The following NTM variants were observed in gnomAD, a reference collection of about 807,000 sequenced individuals.
NTM encodes IgLON family member 2.
A neutral mutation model predicts 42.1 loss-of-function variants in NTM; 13 were observed. That is an observed-to-expected ratio of 0.31 (90% CI 0.20 to 0.49). The LOEUF (loss-of-function observed/expected upper bound fraction) is 0.49, where lower values mean the gene tolerates loss of function less well. Among genes scored for constraint, NTM ranks in the 20% least tolerant of loss-of-function variants. The probability of loss-of-function intolerance (pLI) is 0.99; values close to 1 mark genes in which losing one functional copy is unlikely to be tolerated. For missense variants in NTM, 373 were observed against 452.8 expected, an observed-to-expected ratio of 0.82 and a Z score of 1.60; for synonymous variants, 187 against 179.2, an observed-to-expected ratio of 1.04 and a Z score of -0.35.
chr11:132,189,500 T>G (rs1440156211), intron 3 of NTM, among the ~76,000 whole-genome samples: 1 of 152,222 alleles, frequency 6.6e-6, no homozygotes, highest in Non-Finnish European at 1.5e-5. Flanking sequence ...GGACATTGTT[T>G]TATTTCATGT....
chr11:132,093,922 C>A (rs10750495), intron 2 of NTM, among the ~76,000 whole-genome samples: 1 of 151,972 alleles, frequency 6.6e-6, no homozygotes, highest in Non-Finnish European at 1.5e-5. Context: ...CAATTAAATC[C>A]GGTAGTTTCC....
intron 1 of NTM, among the ~76,000 whole-genome samples, chr11:131,465,299 G>A (rs1352630845): frequency 6.6e-6 from 1 of 152,174 alleles, no homozygotes; most frequent in Non-Finnish European, 1.5e-5. Flanking sequence ...CCTCTAGGAT[G>A]GTTGGCCCCA....
chr11:131,851,445 C>T (rs2136825485), intron 1 of NTM, among the ~76,000 whole-genome samples: 1 of 152,158 alleles, frequency 6.6e-6, no homozygotes, highest in South Asian at 2.1e-4. Flanking sequence ...TTTTCATTCA[C>T]CATGGATTTT....
chr11:131,487,063 A>G (rs1450461443), intron 1 of NTM, among the ~76,000 whole-genome samples: 1 of 152,158 alleles, frequency 6.6e-6, no homozygotes, highest in African/African-American at 2.4e-5. Flanking sequence ...CAGCAAAAAA[A>G]ACAGTGTTCC....
intron 1 of NTM, among the ~76,000 whole-genome samples, chr11:131,571,297 T>C (rs1185564432): frequency 6.6e-6 from 1 of 152,226 alleles, no homozygotes; most frequent in African/African-American, 2.4e-5. Context: ...AAGACTCTGA[T>C]GAAGTGACAT....
chr11:132,300,310 A>G (rs1343942117), intron 4 of NTM, among the ~76,000 whole-genome samples: 2 of 152,202 alleles, frequency 1.3e-5, no homozygotes, highest in African/African-American at 2.4e-5. Context: ...AGCTTCCTAT[A>G]TGCTAAGTAC....
intron 1 of NTM, among the ~76,000 whole-genome samples, chr11:131,654,599 T>C (rs1354519187): frequency 6.6e-6 from 1 of 152,128 alleles, no homozygotes; most frequent in Non-Finnish European, 1.5e-5. Context: ...TGAGGCCTGG[T>C]GGGAGGTGTT....
chr11:131,556,238 G>A (rs1196558071), intron 1 of NTM, among the ~76,000 whole-genome samples: 2 of 152,170 alleles, frequency 1.3e-5, no homozygotes, highest in Non-Finnish European at 1.5e-5. Flanking sequence ...GCAAGAATTA[G>A]GCCCTTATAA....
intron 4 of NTM, among the ~76,000 whole-genome samples, chr11:132,297,055 G>A (rs2094639049): frequency 6.6e-6 from 1 of 152,146 alleles, no homozygotes; most frequent in African/African-American, 2.4e-5. Flanking sequence ...TACTCCAATA[G>A]GCTTCCTGCT....
intron 2 of NTM, among the ~76,000 whole-genome samples, chr11:131,999,395 G>A (rs566908358): frequency 5.4e-4 from 83 of 152,328 alleles, no homozygotes; most frequent in African/African-American, 1.8e-3. Context: ...GATGTCAACT[G>A]TTAGGAGAGC....
chr11:131,628,522 C>T (rs1049030532), intron 1 of NTM, among the ~76,000 whole-genome samples: 16 of 152,132 alleles, frequency 1.1e-4, no homozygotes, highest in South Asian at 2.1e-4. Context: ...TGTGTGTGCA[C>T]GCCAGCATAT....
rs1483604574 is a variant in NTM, at chr11:131,805,567, ACTC to A, written c.83-105996_83-105994del. The stretch of plus-strand genomic sequence containing the variant: ...AAGTTTGCCCTACTCTAATAATAAA[ACTC>A]ATCTTGCAGGGGCAATAACACTAAT... On this transcript the variant is annotated intron_variant, in intron 1 of 8. Transcript: ENST00000683400. Among the ~76,000 whole-genome samples, 4 of 152,306 alleles carry A rather than the reference ACTC, an allele frequency of 2.6e-5. No individual in the cohort carries two copies. In the East Asian group the frequency reaches 7.7e-4, roughly 29 times the overall value.
chr11:132,265,209 G>A (rs540240871), intron 4 of NTM, among the ~76,000 whole-genome samples: 1 of 152,086 alleles, frequency 6.6e-6, no homozygotes, highest in African/African-American at 2.4e-5. Flanking sequence ...AATGAAATGG[G>A]ATTACCCATC....
intron 1 of NTM, among the ~76,000 whole-genome samples, chr11:131,805,953 C>T (rs540241759): frequency 5.0e-4 from 76 of 152,254 alleles, no homozygotes; most frequent in African/African-American, 1.6e-3. Context: ...TTGGACTTCA[C>T]GCTTTTGATA....
chr11:132,245,438 C>T (rs941862913), intron 4 of NTM, among the ~76,000 whole-genome samples: 7 of 152,010 alleles, frequency 4.6e-5, no homozygotes, highest in Admixed American at 1.3e-4. Flanking sequence ...GAGAGCAGGC[C>T]TGAGGGGAGC....
At chr11:131,960,820 C>G (rs1274828558) in intron 2 of NTM, among the ~76,000 whole-genome samples, 1 of 152,182 alleles carries the variant, frequency 6.6e-6, no homozygotes, top group Non-Finnish European at 1.5e-5. Flanking sequence ...TCCAGTAGCT[C>G]TAACTTCACC....
chr11:131,913,164 A>G (rs1964013033), intron 2 of NTM, among the ~76,000 whole-genome samples: 1 of 152,200 alleles, frequency 6.6e-6, no homozygotes, highest in South Asian at 2.1e-4. Flanking sequence ...AGACTACTTA[A>G]ATAAAAAACC....
chr11:131,773,002 T>C (rs111864169), intron 1 of NTM, among the ~76,000 whole-genome samples: 7 of 152,370 alleles, frequency 4.6e-5, no homozygotes, highest in African/African-American at 1.7e-4. Flanking sequence ...GTAGAACTGA[T>C]GTACTGACAT....
In NTM at chr11:131,818,679, C is replaced by T. The variant is rs190052633; in HGVS notation, c.83-92885C>T. ...AATCATTCACAGGATAGCTATTGCA[C>T]GTCATTTGTGTCAGGCCTTATCGGT... On this transcript the variant is annotated intron_variant, in intron 1 of 8. Coordinates refer to ENST00000683400, the MANE Select transcript of NTM (RefSeq NM_001352005.2). Among the ~76,000 whole-genome samples, 19 of 152,214 alleles carry T rather than the reference C, an allele frequency of 1.2e-4. No individual in the cohort carries two copies. The South Asian group carries it at 4.0e-3, about 32-fold the overall frequency.
Sources: allele counts gnomAD v4.1 joint callset (sites outside exome capture counted in the v4.1 genomes callset), GRCh38; gene constraint gnomAD v4.1.1; transcripts MANE v1.5; gene names NCBI Gene and HGNC (gene_info 2026-07-23, HGNC 2026-07-21).